BRD3: variants seen among roughly 807,000 people sequenced by gnomAD.
BRD3 encodes bromodomain-containing protein 3.
In BRD3, 17 loss-of-function variants were observed where a neutral mutation model predicts 66.8. The observed-to-expected ratio is 0.25, with a 90% confidence interval of 0.17 to 0.38. The LOEUF (loss-of-function observed/expected upper bound fraction) is 0.38, where lower values mean the gene tolerates loss of function less well. Among genes scored for constraint, BRD3 ranks in the 10% least tolerant of loss-of-function variants. The pLI, the probability that BRD3 is intolerant of heterozygous loss-of-function variation, is 1.00. For synonymous variants in BRD3, 421 were observed against 393.2 expected (o/e 1.07, Z -0.84); for missense variants, 713 against 956.1 (o/e 0.75, Z 3.35).
Position 134,036,222 on chromosome 9 carries a change from C to G in BRD3, c.1746G>C (p.Leu582=). ...TCTCCCCGGGCAGCCGGTTGATGTC[C>G]AGGCTAAGCTGGCGCTTTTCATCGT... is the stretch of plus-strand genomic sequence containing the variant. ...MSYDEKRQLS[L]DINRLPGEKL... is the part of the protein sequence containing the mutation. Residue 582 remains leucine (L), a synonymous_variant, in exon 10 of 12, where the codon CTG becomes CTC. Coordinates refer to ENST00000303407, the MANE Select transcript of BRD3 (RefSeq NM_007371.4). The G allele has an allele frequency of 2.5e-6, 4 of 1,614,232 alleles. No individual in the cohort carries two copies. In the South Asian group the frequency reaches 4.4e-5, roughly 18 times the overall value.
chr9:134,048,378 G>A lies in BRD3; in HGVS notation c.791C>T (p.Pro264Leu), dbSNP rs1466360647. ...SAITASRSES[P>L]PPLSDPKQAK... is the part of the protein sequence containing the mutation. ...CTGCTTGGGGTCTGACAACGGCGGGGGCGACTCACTCCGGCTGGCAGTGAT... is the reference window on the plus strand; with the variant it reads ...CTGCTTGGGGTCTGACAACGGCGGGAGCGACTCACTCCGGCTGGCAGTGAT... The change falls in exon 6 of 12, where the codon CCC (proline) becomes CTC (leucine). Residue 264 changes from proline (P) to leucine (L), a missense_variant. Coordinates refer to ENST00000303407, the MANE Select transcript of BRD3 (RefSeq NM_007371.4). 6 of 1,598,562 alleles carry A rather than the reference G, an allele frequency of 3.8e-6. No individual in the cohort carries two copies. Among genetic ancestry groups the A allele is most frequent in the African/African-American group, 1.3e-5 (1 of 74,936 alleles).
chr9:134,048,958 G>A (rs1323122740), intron 5 of BRD3, among the ~76,000 whole-genome samples: 1 of 152,184 alleles, frequency 6.6e-6, no homozygotes, highest in Non-Finnish European at 1.5e-5. Flanking sequence ...AGGCAGGAGA[G>A]CATTCCAGAC....
rs201310623 is a variant in BRD3, at chr9:134,032,941, G to T, written c.*649C>A. ...TGCAGGCTGCATACACAGCCGCTCT[G>T]TTCCCTCCGAGGAGCTCCTGACATC... On this transcript the variant is annotated 3_prime_UTR_variant, in exon 12 of 12. Coordinates refer to ENST00000303407, the MANE Select transcript of BRD3 (RefSeq NM_007371.4). 1.1e-4 allele frequency: 42 copies of T among 365,342 alleles called. 1 individual carries two copies. Among genetic ancestry groups the T allele is most frequent in the East Asian group, 1.1e-3 (28 of 26,060 alleles). The allele number at this position is 365,342 out of a possible 1,614,324, so 22.6% of individuals were successfully genotyped here. A position where few individuals can be genotyped will look rare whatever the true frequency, so the allele number is the denominator to read the frequency against.
At chr9:134,057,654 C>G (rs944916250) in intron 1 of BRD3, 1 of 152,286 alleles carries the variant, frequency 6.6e-6, no homozygotes, top group Non-Finnish European at 1.5e-5. Context: ...CTTTGGGACA[C>G]AAAGCACTCA....
At chr9:134,036,516 C>T (rs970534401) in intron 9 of BRD3, 192 bp from the exon 10 acceptor site, 20 of 1,602,098 alleles carry the variant, frequency 1.2e-5, no homozygotes, top group Non-Finnish European at 1.6e-5. Context: ...AGCCCTTGGC[C>T]AGGAAACAAT....
Position 134,051,894 on chromosome 9 carries a change from T to G in BRD3, c.352-185A>C, listed in dbSNP as rs1388337689. On this transcript the variant is annotated intron_variant, in intron 3 of 11. Transcript: ENST00000303407. ...GTGTGTGTGTTGTTTTTTTTGTTTT[T>G]TTTTTTTTTTTTTTGAGATGGAGTC... Among the ~76,000 whole-genome samples the G allele has an allele frequency of 1.4e-4, 16 of 111,550 alleles. 1 individual carries two copies. The highest frequency in any genetic ancestry group is 8.0e-4 in the South Asian group (3 of 3,734). The allele number at this position is 111,550 out of a possible 152,430, so 73.2% of individuals were successfully genotyped here. A position where few individuals can be genotyped will look rare whatever the true frequency, so the allele number is the denominator to read the frequency against.
At chr9:134,062,257 G>A (rs1324859588) in intron 1 of BRD3, among the ~76,000 whole-genome samples, 1 of 152,284 alleles carries the variant, frequency 6.6e-6, no homozygotes, top group East Asian at 1.9e-4. Context: ...CTCTCCTGCA[G>A]CTGCCTGGCC....
chr9:134,034,774 CT>C lies in BRD3; in HGVS notation c.1991del (p.Lys664ArgfsTer16), dbSNP rs2132377575. Reference protein sequence around the residue: ...AKSKEELAQEKKKELEKRLQD... With the variant: ...AKSKEELAQEXKKELEKRLQD... Reference sequence around the variant, plus strand: ...GCAGACGCTTTTCCAGCTCCTTCTTCTTTTCCTGAGCTAGCTCCTCTTTCGA... The same window carrying C: ...GCAGACGCTTTTCCAGCTCCTTCTTCTTTCCTGAGCTAGCTCCTCTTTCGA... On this transcript the variant is annotated frameshift_variant, in exon 11 of 12. Coordinates refer to ENST00000303407, the MANE Select transcript of BRD3 (RefSeq NM_007371.4). LOFTEE classifies it high-confidence loss of function. 6.2e-7 allele frequency: 1 copy of C among 1,611,932 alleles called. No homozygotes were observed.
chr9:134,045,422 C>T lies in BRD3; in HGVS notation c.1087-1G>A. 6.2e-7 allele frequency: 1 copy of T among 1,613,474 alleles called. No homozygotes were observed. ...GGTACTCTCGGCCATCCATCTTCCT[C>T]TGCAACACACAGTGACAGGGGCCAG... is the stretch of plus-strand genomic sequence containing the variant. On this transcript the variant is annotated splice_acceptor_variant, in intron 6 of 11. Coordinates refer to ENST00000303407, the MANE Select transcript of BRD3 (RefSeq NM_007371.4). LOFTEE classifies it high-confidence loss of function. The surrounding 1 kb of genome is among the most constrained non-coding windows in gnomAD (Gnocchi z 4.8).
In BRD3 at chr9:134,030,721, AAAAC is replaced by A. The variant is rs775189804; in HGVS notation, c.*2865_*2868del. ...TGAGTGCTGCAAAAGAACAACAACAAAAACAAACACACAAAAAAATGTGTCTTAC... is the reference window on the plus strand; with the variant it reads ...TGAGTGCTGCAAAAGAACAACAACAAAAACACACAAAAAAATGTGTCTTAC... On this transcript the variant is annotated 3_prime_UTR_variant, in exon 12 of 12. Transcript: ENST00000303407. 1.2e-3 allele frequency: 285 copies of A among 231,912 alleles called. No homozygotes were observed. Among genetic ancestry groups the A allele is most frequent in the Admixed American group, 2.3e-3 (40 of 17,758 alleles). The allele number at this position is 231,912 out of a possible 1,614,324, so 14.4% of individuals were successfully genotyped here.
rs140276251 is a variant in BRD3, at chr9:134,065,153, G to A, written c.-114+2792C>T. On this transcript the variant is annotated intron_variant, in intron 1 of 11. Transcript: ENST00000303407. ...TATAAGGGACCTGCTGGCTAGGCAC[G>A]GTGGCTCATGCCTGTAATCCCAGCA... Among the ~76,000 whole-genome samples, 4 of 152,302 alleles carry A rather than the reference G, an allele frequency of 2.6e-5. No homozygotes were observed. The East Asian group carries it at 5.8e-4, about 22-fold the overall frequency.
intron 5 of BRD3, among the ~76,000 whole-genome samples, chr9:134,049,922 G>A (rs961914887): frequency 3.3e-5 from 5 of 152,182 alleles, no homozygotes; most frequent in Admixed American, 6.5e-5. Context: ...GCCAAGTGGG[G>A]AGCAGGACAG....
At chr9:134,065,620 A>G (rs11795075) in intron 1 of BRD3, among the ~76,000 whole-genome samples, 53,765 of 152,064 alleles carry the variant, frequency 0.35, 10,012 homozygotes, top group Middle Eastern at 0.53. Flanking sequence ...CGCTGGGAAG[A>G]GTAGGCCCCG....
Position 134,033,992 on chromosome 9 carries a change from AG to A in BRD3, c.2066-288del, listed in dbSNP as rs952685891. On this transcript the variant is annotated intron_variant, in intron 11 of 11. Coordinates refer to ENST00000303407, the MANE Select transcript of BRD3 (RefSeq NM_007371.4). This position sits in a 1 kb window ranked among gnomAD's most constrained non-coding sequence, Gnocchi z 5.1. ...CAGTCACATGGCCACCAGCAGCGAC[AG>A]GAACACCAGCTGCTGGCGTTTCTGG... is the stretch of plus-strand genomic sequence containing the variant. Among the ~76,000 whole-genome samples the A allele has an allele frequency of 1.3e-5, 2 of 152,214 alleles. No homozygotes were observed. The highest frequency in any genetic ancestry group is 1.5e-5 in the Non-Finnish European group (1 of 68,032).
intron 7 of BRD3, among the ~76,000 whole-genome samples, chr9:134,042,480 T>A (rs1254842237): frequency 2.0e-5 from 3 of 152,004 alleles, no homozygotes; most frequent in African/African-American, 7.3e-5. Flanking sequence ...TACAAAAAAA[T>A]ATAAAAATTA....
Position 134,045,150 on chromosome 9 carries a change from A to T in BRD3, c.1215+143T>A. Reference sequence around the variant, plus strand: ...AGAGCCTGACAGGGACCTGGTTGGCACTCGGGAAAAAGGTGTTGAGGGAAT... The same window carrying T: ...AGAGCCTGACAGGGACCTGGTTGGCTCTCGGGAAAAAGGTGTTGAGGGAAT... On this transcript the variant is annotated intron_variant, in intron 7 of 11. Transcript: ENST00000303407. The surrounding 1 kb of genome is among the most constrained non-coding windows in gnomAD (Gnocchi z 4.8). 1 of 1,226,918 alleles carries T rather than the reference A, an allele frequency of 8.2e-7. No homozygotes were observed. Among genetic ancestry groups the T allele is most frequent in the Non-Finnish European group, 1.1e-6 (1 of 904,074 alleles). 76.0% of individuals were successfully genotyped at this position (1,226,918 alleles called of 1,614,324 possible).
intron 1 of BRD3, 99 bp from the exon 2 acceptor site, chr9:134,053,689 C>T: frequency 9.1e-7 from 1 of 1,103,760 alleles, no homozygotes; most frequent in South Asian, 1.7e-5. Flanking sequence ...TGTCGGGCCT[C>T]AGCAGGGCCT....
chr9:134,051,041 A>T (rs2520101), intron 4 of BRD3, among the ~76,000 whole-genome samples: 8 of 152,202 alleles, frequency 5.3e-5, no homozygotes, highest in Non-Finnish European at 1.2e-4. Flanking sequence ...CCCAGACAAC[A>T]CCTGCATGCC....
At chr9:134,053,663 G>A in intron 1 of BRD3, 73 bp from the exon 2 acceptor site, 3 of 1,341,284 alleles carry the variant, frequency 2.2e-6, no homozygotes, top group South Asian at 3.1e-5. Context: ...AGCCTCGGCG[G>A]GCTCCTGAGG....
Sources: allele counts gnomAD v4.1 joint callset (sites outside exome capture counted in the v4.1 genomes callset), GRCh38; gene constraint gnomAD v4.1.1; non-coding constraint Gnocchi (gnomAD v3.1); transcripts MANE v1.5; gene names NCBI Gene and HGNC (gene_info 2026-07-23, HGNC 2026-07-21).